The following PPP1R21 variants were observed in gnomAD, a reference collection of about 807,000 sequenced individuals.
PPP1R21 encodes the protein KLRAQ motif containing 1.
In PPP1R21, 85 loss-of-function variants were observed where a neutral mutation model predicts 112.8. That is an observed-to-expected ratio of 0.75 (90% CI 0.63 to 0.90). The LOEUF (loss-of-function observed/expected upper bound fraction) is 0.90, where lower values mean the gene tolerates loss of function less well. PPP1R21 is among the 40% of genes least tolerant of loss of function. The pLI is 0.00. For synonymous variants in PPP1R21, 381 were observed against 322.3 expected (o/e 1.18, Z -1.95); for missense variants, 1,199 against 901.5 (o/e 1.33, Z -4.23).
At chr2:48,447,315 T>G (rs573142121) in intron 1 of PPP1R21, among the ~76,000 whole-genome samples, 1 of 152,056 alleles carries the variant, frequency 6.6e-6, no homozygotes, top group East Asian at 1.9e-4. Flanking sequence ...GCTCTCAAAG[T>G]AAGGGTAAAA....
intron 7 of PPP1R21, among the ~76,000 whole-genome samples, chr2:48,461,844 T>C (rs1667992806): frequency 6.6e-6 from 1 of 152,226 alleles, no homozygotes; most frequent in African/African-American, 2.4e-5. Context: ...TTCAAATTGA[T>C]GCACATTTCC....
At chr2:48,451,190 G>T (rs925112929) in intron 2 of PPP1R21, 114 bp downstream of exon 2, 2 of 790,296 alleles carry the variant, frequency 2.5e-6, no homozygotes, top group East Asian at 4.9e-5. Context: ...ATTCACTAGG[G>T]ATAGGGGACA....
intron 1 of PPP1R21, among the ~76,000 whole-genome samples, chr2:48,447,925 G>A (rs1667318815): frequency 6.6e-6 from 1 of 151,844 alleles, no homozygotes; most frequent in African/African-American, 2.4e-5. Flanking sequence ...ACTTCAGCCT[G>A]GGCAACAGAG....
intron 9 of PPP1R21, among the ~76,000 whole-genome samples, chr2:48,466,814 A>G (rs1668224894): frequency 6.6e-6 from 1 of 152,050 alleles, no homozygotes; most frequent in African/African-American, 2.4e-5. Flanking sequence ...ATAATGAGCA[A>G]ACTGTGTTGG....
intron 9 of PPP1R21, among the ~76,000 whole-genome samples, chr2:48,466,667 A>C (rs1442821821): frequency 1.3e-5 from 2 of 152,136 alleles, no homozygotes; most frequent in African/African-American, 4.8e-5. Context: ...GGGTCTTGAA[A>C]AATTAGCAAG....
At chr2:48,485,237 A>G (rs1353351788) in intron 13 of PPP1R21, among the ~76,000 whole-genome samples, 1 of 152,166 alleles carries the variant, frequency 6.6e-6, no homozygotes, top group Non-Finnish European at 1.5e-5. Context: ...TGGAAGCCCA[A>G]ACCCCAGTAT....
intron 7 of PPP1R21, among the ~76,000 whole-genome samples, chr2:48,463,693 T>C (rs550994748): frequency 6.6e-6 from 1 of 152,202 alleles, no homozygotes; most frequent in South Asian, 2.1e-4. Flanking sequence ...CAGCAAATGC[T>C]TTATTTGTAA....
intron 13 of PPP1R21, among the ~76,000 whole-genome samples, chr2:48,483,408 C>T (rs1669125318): frequency 6.6e-6 from 1 of 151,992 alleles, no homozygotes; most frequent in South Asian, 2.1e-4. Context: ...GTCTCGAACT[C>T]CTGACCTCAA....
At position 48,459,896 on chromosome 2, in the gene PPP1R21, A is replaced by G. The variant is rs1322547444; in HGVS notation, c.518A>G (p.Gln173Arg). ...TACATGGAAACCATTGAGAAGCTGC[A>G]GAACGACAAGGCTAAACTAGAAGTA... ...RKYMETIEKL[Q>R]NDKAKLEVKS... Residue 173 changes from glutamine (Q) to arginine (R), a missense_variant, in exon 5 of 22, where the codon CAG becomes CGG. Transcript: ENST00000294952. The G allele has an allele frequency of 6.2e-7, 1 of 1,614,154 alleles. No homozygotes were observed. Among genetic ancestry groups the G allele is most frequent in the Non-Finnish European group, 8.5e-7 (1 of 1,180,010 alleles).
intron 15 of PPP1R21, among the ~76,000 whole-genome samples, chr2:48,493,574 C>G (rs1669668023): frequency 7.1e-6 from 1 of 141,034 alleles, no homozygotes; most frequent in South Asian, 2.4e-4. Flanking sequence ...GGACAGGCAG[C>G]CTGTAGTAGC....
intron 17 of PPP1R21, among the ~76,000 whole-genome samples, chr2:48,503,432 T>C (rs113101436): frequency 1.3e-3 from 193 of 152,366 alleles, no homozygotes; most frequent in African/African-American, 4.3e-3. Context: ...TTATAACTTA[T>C]GCTATTTTAA....
At chr2:48,475,975 T>A (rs114744065) in intron 12 of PPP1R21, among the ~76,000 whole-genome samples, 2,869 of 152,282 alleles carry the variant, frequency 0.019, 72 homozygotes, top group African/African-American at 0.063. Context: ...TACCATACAA[T>A]GTATTAATTA....
intron 4 of PPP1R21, among the ~76,000 whole-genome samples, chr2:48,459,462 G>A (rs1667882732): frequency 1.3e-5 from 2 of 152,160 alleles, no homozygotes; most frequent in Admixed American, 1.3e-4. Flanking sequence ...GGAGGTGCAG[G>A]CTTTGGAGTA....
chr2:48,470,592 T>C (rs1483317023), intron 9 of PPP1R21, among the ~76,000 whole-genome samples: 1 of 152,022 alleles, frequency 6.6e-6, no homozygotes, highest in African/African-American at 2.4e-5. Flanking sequence ...ACACCAAATA[T>C]CGTATACATT....
At chr2:48,450,113 A>G (rs1667410275) in intron 1 of PPP1R21, among the ~76,000 whole-genome samples, 1 of 152,206 alleles carries the variant, frequency 6.6e-6, no homozygotes, top group Admixed American at 6.5e-5. Flanking sequence ...TGTGAAAAAA[A>G]GCCCAAGTTT....
At chr2:48,487,191 C>T (rs1669339838) in intron 14 of PPP1R21, among the ~76,000 whole-genome samples, 1 of 152,090 alleles carries the variant, frequency 6.6e-6, no homozygotes, top group Non-Finnish European at 1.5e-5. Context: ...GAAGGGTCTG[C>T]CATATAGAAC....
In PPP1R21 at chr2:48,507,458, C is replaced by T; in HGVS notation, c.2085+73C>T. Reference sequence around the variant, plus strand: ...AGGAGTTAGGACACTGTCCTGTTTTCATGCTGTTCACTGTAAGAGAGAAGT... The same window carrying T: ...AGGAGTTAGGACACTGTCCTGTTTTTATGCTGTTCACTGTAAGAGAGAAGT... On this transcript the variant is annotated intron_variant, in intron 19 of 21. Coordinates refer to ENST00000294952, the MANE Select transcript of PPP1R21 (RefSeq NM_001135629.3). 4 of 1,550,658 alleles carry T rather than the reference C, an allele frequency of 2.6e-6. No homozygotes were observed. In the South Asian group the frequency reaches 3.7e-5, roughly 14 times the overall value.
intron 1 of PPP1R21, among the ~76,000 whole-genome samples, chr2:48,444,182 A>G (rs2103727397): frequency 6.6e-6 from 1 of 152,346 alleles, no homozygotes; most frequent in Non-Finnish European, 1.5e-5. Context: ...AGTGTTATGG[A>G]AAGGTTAGTA....
At chr2:48,499,135 G>T (rs187603346) in intron 17 of PPP1R21, among the ~76,000 whole-genome samples, 2 of 148,408 alleles carry the variant, frequency 1.3e-5, no homozygotes, top group Non-Finnish European at 3.0e-5. Context: ...TTGGGGGTGG[G>T]GGGGGACACA....
Sources: allele counts gnomAD v4.1 joint callset (sites outside exome capture counted in the v4.1 genomes callset), GRCh38; gene constraint gnomAD v4.1.1; transcripts MANE v1.5; gene names NCBI Gene and HGNC (gene_info 2026-07-23, HGNC 2026-07-21).